CEP63: variants seen among roughly 807,000 people sequenced by gnomAD.
The protein encoded by CEP63 is centrosomal protein 63, also known as centrosomal protein of 63 kDa.
CEP63 carries 84 observed loss-of-function variants against 89.1 expected under a neutral mutation model. That is an observed-to-expected ratio of 0.94 (90% CI 0.79 to 1.13). The LOEUF (loss-of-function observed/expected upper bound fraction) is 1.13, where lower values mean the gene tolerates loss of function less well. Ranked by LOEUF, CEP63 falls within the 50% of genes most tolerant of loss-of-function variation. The pLI is 0.00. For synonymous variants in CEP63, 267 were observed against 272.5 expected (o/e 0.98, Z 0.20); for missense variants, 838 against 813.3 (o/e 1.03, Z -0.37).
the CEP63 span, among the ~76,000 whole-genome samples, chr3:134,718,754 C>T: frequency 1.3e-5 from 2 of 152,198 alleles, no homozygotes; most frequent in Admixed American, 6.5e-5. Flanking sequence ...TCCAATTCCC[C>T]TCTTAATTGT....
chr3:134,605,388 C>T, the CEP63 span, among the ~76,000 whole-genome samples: 1 of 152,146 alleles, frequency 6.6e-6, no homozygotes, highest in Admixed American at 6.5e-5. Context: ...GAGAGGCTGT[C>T]TGATCCATGT....
the CEP63 span, among the ~76,000 whole-genome samples, chr3:134,676,567 A>G: frequency 1.1e-3 from 161 of 152,340 alleles, 1 homozygote; most frequent in Non-Finnish European, 2.0e-3. Context: ...ACAAATTGTA[A>G]GGGTGAATTT....
chr3:134,625,258 G>T, the CEP63 span: 1 of 767,122 alleles, frequency 1.3e-6, no homozygotes, highest in Non-Finnish European at 2.2e-6. Flanking sequence ...CTCAAAGCCT[G>T]AAACATTGAG....
the CEP63 span, among the ~76,000 whole-genome samples, chr3:134,647,070 G>T: frequency 6.6e-6 from 1 of 152,330 alleles, no homozygotes; most frequent in Admixed American, 6.5e-5. Flanking sequence ...CAAGGCAGAC[G>T]ACTATCCTCT....
the CEP63 span, among the ~76,000 whole-genome samples, chr3:134,746,191 T>C: frequency 6.6e-6 from 1 of 151,668 alleles, no homozygotes; most frequent in African/African-American, 2.4e-5. Flanking sequence ...GTCCTTGTGA[T>C]AGTTTGCTGA....
the CEP63 span, among the ~76,000 whole-genome samples, chr3:134,767,014 A>T: frequency 2.0e-5 from 3 of 152,140 alleles, no homozygotes; most frequent in Admixed American, 6.6e-5. Flanking sequence ...CTACATAGCC[A>T]CTTGGATACT....
the CEP63 span, among the ~76,000 whole-genome samples, chr3:134,676,075 G>A: frequency 1.3e-3 from 200 of 152,276 alleles, no homozygotes; most frequent in South Asian, 4.8e-3. Context: ...CAGCAATTCT[G>A]CTCCTAGGTA....
At chr3:134,528,854 C>A (rs945585500) in intron 3 of CEP63, among the ~76,000 whole-genome samples, 1 of 152,142 alleles carries the variant, frequency 6.6e-6, no homozygotes, top group Non-Finnish European at 1.5e-5. Flanking sequence ...CTAGGAAATA[C>A]GAATAGTTAA....
At chr3:134,734,886 C>T in the CEP63 span, among the ~76,000 whole-genome samples, 2 of 152,146 alleles carry the variant, frequency 1.3e-5, no homozygotes, top group South Asian at 2.1e-4. Flanking sequence ...TTTAAACAAG[C>T]TGGTCTCATC....
the CEP63 span, among the ~76,000 whole-genome samples, chr3:134,737,391 C>A: frequency 6.6e-6 from 1 of 152,036 alleles, no homozygotes; most frequent in Admixed American, 6.6e-5. Context: ...ATATACCCAA[C>A]TAATAAAGGA....
chr3:134,652,017 G>C, the CEP63 span, among the ~76,000 whole-genome samples: 2 of 152,186 alleles, frequency 1.3e-5, no homozygotes, highest in Admixed American at 6.5e-5. Flanking sequence ...GCATTGGAGT[G>C]TATGGACCCC....
At chr3:134,551,567 G>A (rs1350817618) in intron 11 of CEP63, among the ~76,000 whole-genome samples, 5 of 151,980 alleles carry the variant, frequency 3.3e-5, no homozygotes, top group Non-Finnish European at 7.4e-5. Flanking sequence ...AAGCCAAATT[G>A]GAGGAGGCCA....
At chr3:134,514,352 TA>T (rs1945732933) in intron 3 of CEP63, among the ~76,000 whole-genome samples, 1 of 152,064 alleles carries the variant, frequency 6.6e-6, no homozygotes, top group African/African-American at 2.4e-5. Flanking sequence ...GAAAGTCTAA[TA>T]TAAGTGTTTT....
At chr3:134,708,818 C>T in the CEP63 span, among the ~76,000 whole-genome samples, 2 of 152,136 alleles carry the variant, frequency 1.3e-5, no homozygotes, top group East Asian at 3.9e-4. Flanking sequence ...GTGGCGACCA[C>T]CTTGTGAATG....
the CEP63 span, among the ~76,000 whole-genome samples, chr3:134,599,176 G>T: frequency 6.6e-6 from 1 of 152,230 alleles, no homozygotes; most frequent in Admixed American, 6.5e-5. Flanking sequence ...GACATTGGAG[G>T]TCATCCACTC....
the CEP63 span, among the ~76,000 whole-genome samples, chr3:134,612,535 C>A: frequency 6.6e-6 from 1 of 151,992 alleles, no homozygotes; most frequent in African/African-American, 2.4e-5. Flanking sequence ...AAACAGCTAG[C>A]AGAGAAGGAC....
chr3:134,653,035 G>C, the CEP63 span, among the ~76,000 whole-genome samples: 1 of 152,328 alleles, frequency 6.6e-6, no homozygotes, highest in South Asian at 2.1e-4. Flanking sequence ...TCCCAGAACT[G>C]CCTCTGGAGA....
the CEP63 span, among the ~76,000 whole-genome samples, chr3:134,636,420 A>G: frequency 6.6e-6 from 1 of 152,204 alleles, no homozygotes; most frequent in South Asian, 2.1e-4. Flanking sequence ...GTGATGTTGC[A>G]CAAATTCTGA....
At chr3:134,592,822 T>C in the CEP63 span, among the ~76,000 whole-genome samples, 1 of 152,196 alleles carries the variant, frequency 6.6e-6, no homozygotes, top group Non-Finnish European at 1.5e-5. Context: ...TACAGCTCTC[T>C]CGAGTGGAAG....
Sources: gnomAD v4.1 joint callset for allele counts (sites outside exome capture counted in the v4.1 genomes callset) on GRCh38, gnomAD v4.1.1 for gene constraint, MANE v1.5 for transcripts, NCBI Gene and HGNC (gene_info 2026-07-23, HGNC 2026-07-21) for gene names.